ARHGAP20: variants seen among roughly 807,000 people sequenced by gnomAD.
The protein encoded by ARHGAP20 is rho GTPase-activating protein 20.
Under a neutral mutation model 73.7 loss-of-function variants are expected in ARHGAP20, and 34 were observed. That is an observed-to-expected ratio of 0.46 (90% CI 0.35 to 0.61). The LOEUF (loss-of-function observed/expected upper bound fraction) is 0.61, where lower values mean the gene tolerates loss of function less well. ARHGAP20 is among the 20% of genes least tolerant of loss of function. ARHGAP20 has a pLI of 0.00. For missense variants in ARHGAP20, 1,314 were observed against 1,420.9 expected, an observed-to-expected ratio of 0.92 and a Z score of 1.21; for synonymous variants, 523 against 518.2, an observed-to-expected ratio of 1.01 and a Z score of -0.13.
At chr11:110,675,031 C>A (rs895994762) in intron 2 of ARHGAP20, among the ~76,000 whole-genome samples, 1 of 152,120 alleles carries the variant, frequency 6.6e-6, no homozygotes, top group Non-Finnish European at 1.5e-5. Flanking sequence ...CAACCCATCA[C>A]CTTTACATTC....
chr11:110,689,404 C>A (rs1258165419), intron 2 of ARHGAP20, among the ~76,000 whole-genome samples: 10 of 151,826 alleles, frequency 6.6e-5, no homozygotes, highest in Non-Finnish European at 1.3e-4. Context: ...TTCCTTTGAA[C>A]ATAAAAACTC....
intron 2 of ARHGAP20, among the ~76,000 whole-genome samples, chr11:110,650,025 A>G (rs1440192540): frequency 6.6e-6 from 1 of 152,194 alleles, no homozygotes. Flanking sequence ...CTTTAAAAAA[A>G]TCTCTGTGTC....
At chr11:110,597,034 C>A (rs1384153545) in intron 9 of ARHGAP20, among the ~76,000 whole-genome samples, 8 of 151,198 alleles carry the variant, frequency 5.3e-5, no homozygotes, top group African/African-American at 1.9e-4. Context: ...AGCAAACTAT[C>A]GCCAGGACAA....
chr11:110,583,791 A>G (rs921668558), intron 12 of ARHGAP20, 54 bp from the exon 13 acceptor site: 1 of 1,397,072 alleles, frequency 7.2e-7, no homozygotes, highest in African/African-American at 1.5e-5. Flanking sequence ...AAAACTTGTA[A>G]AGACAAGCAA....
Position 110,580,231 on chromosome 11 carries a change from C to T in ARHGAP20, c.2715G>A (p.Met905Ile). ...GQKLINQSLV[M>I]GIEVGKSSAT... ...CACTACTCTTGCCCACCTCAATCCC[C>T]ATGACTAAACTCTGATTAATGAGCT... The change falls in exon 15 of 15, where the codon ATG becomes ATA. Residue 905 changes from methionine (M) to isoleucine (I), a missense_variant. Transcript: ENST00000683387. The T allele has an allele frequency of 6.2e-7, 1 of 1,614,214 alleles. No homozygotes were observed. Among genetic ancestry groups the T allele is most frequent in the East Asian group, 2.2e-5 (1 of 44,882 alleles).
chr11:110,611,373 G>A lies in ARHGAP20; in HGVS notation c.644C>T (p.Thr215Ile). The change falls in exon 7 of 15, where the codon ACA (threonine) becomes ATA (isoleucine). Residue 215 changes from threonine (T) to isoleucine (I), a missense_variant. Physicochemically the swap from Thr to Ile is moderately conservative, Grantham distance 89. This residue lies in a region of ARHGAP20 where 443 missense variants were observed against 466.4 expected (regional missense o/e 0.95). Coordinates refer to ENST00000683387, the MANE Select transcript of ARHGAP20 (RefSeq NM_001384657.1). ...IGNCAYSKTI[T>I]VMNSDTANEV... ...ATTCGCTGTATCTGAATTCATTACTGTTATAGTTTTAGACTGTAGAAAAAA... is the reference window on the plus strand; with the variant it reads ...ATTCGCTGTATCTGAATTCATTACTATTATAGTTTTAGACTGTAGAAAAAA... 6.5e-7 allele frequency: 1 copy of A among 1,540,472 alleles called. No homozygotes were observed.
At chr11:110,652,020 C>T (rs756577800) in intron 2 of ARHGAP20, among the ~76,000 whole-genome samples, 1 of 152,016 alleles carries the variant, frequency 6.6e-6, no homozygotes, top group Non-Finnish European at 1.5e-5. Flanking sequence ...TCCAGCAGCA[C>T]ATCAAAAAGC....
intron 3 of ARHGAP20, among the ~76,000 whole-genome samples, chr11:110,628,749 T>C (rs1351457678): frequency 6.6e-6 from 1 of 152,148 alleles, no homozygotes; most frequent in East Asian, 1.9e-4. Flanking sequence ...ATTAAAGTTA[T>C]CTCAAAAGCA....
At chr11:110,695,804 T>C (rs1047257944) in intron 1 of ARHGAP20, among the ~76,000 whole-genome samples, 4 of 151,614 alleles carry the variant, frequency 2.6e-5, no homozygotes, top group Non-Finnish European at 5.9e-5. Flanking sequence ...GATCCTGCAA[T>C]TCTACTCCTA....
intron 9 of ARHGAP20, among the ~76,000 whole-genome samples, chr11:110,592,928 T>C (rs1243874687): frequency 6.6e-6 from 1 of 152,112 alleles, no homozygotes; most frequent in African/African-American, 2.4e-5. Context: ...CTACTAGGGA[T>C]GAAGAACTGG....
chr11:110,670,506 G>C (rs74666845), intron 2 of ARHGAP20, among the ~76,000 whole-genome samples: 2 of 151,848 alleles, frequency 1.3e-5, no homozygotes, highest in Non-Finnish European at 2.9e-5. Context: ...CAAATTACCC[G>C]AACTGACTCA....
At chr11:110,616,235 T>G (rs569673133) in intron 4 of ARHGAP20, among the ~76,000 whole-genome samples, 51 of 152,356 alleles carry the variant, frequency 3.3e-4, no homozygotes, top group Non-Finnish European at 4.9e-4. Flanking sequence ...TATAACCTTC[T>G]AAGATCAATC....
intron 2 of ARHGAP20, among the ~76,000 whole-genome samples, chr11:110,646,160 A>AT (rs1479520841): frequency 1.5e-4 from 23 of 152,184 alleles, no homozygotes; most frequent in Admixed American, 1.4e-3. Context: ...TATTTAGGAA[A>AT]TTTATAAATA....
Position 110,577,859 on chromosome 11 carries a change from A to G in ARHGAP20, c.*1511T>C, listed in dbSNP as rs1170735772. ...AAATATTTTTTCCCCTATAACTGAA[A>G]ATGCAACCTTTAGAACAAAAAAGAA... On this transcript the variant is annotated 3_prime_UTR_variant, in exon 15 of 15. Transcript: ENST00000683387. The G allele has an allele frequency of 1.0e-6, 1 of 985,668 alleles. No homozygotes were observed. The highest frequency in any genetic ancestry group is 1.7e-5 in the African/African-American group (1 of 57,230). The allele number at this position is 985,668 out of a possible 1,614,324, so 61.1% of individuals were successfully genotyped here. A position where few individuals can be genotyped will look rare whatever the true frequency, so the allele number is the denominator to read the frequency against.
At position 110,644,658 on chromosome 11, in the gene ARHGAP20, G is replaced by A. The variant is rs572713534; in HGVS notation, c.189-13866C>T. Among the ~76,000 whole-genome samples, 4 of 152,186 alleles carry A rather than the reference G, an allele frequency of 2.6e-5. No homozygotes were observed. In the South Asian group the frequency reaches 8.3e-4, roughly 32 times the overall value. The stretch of plus-strand genomic sequence containing the variant: ...ATAAAAAAATTAACTCAGGATGGAT[G>A]AAATACTCAAATGTAGGACTATAAA... On this transcript the variant is annotated intron_variant, in intron 2 of 14. Transcript: ENST00000683387.
chr11:110,600,328 C>A (rs953570704), intron 9 of ARHGAP20, among the ~76,000 whole-genome samples: 7 of 152,234 alleles, frequency 4.6e-5, no homozygotes, highest in Admixed American at 3.9e-4. Context: ...CTCCAAGCTT[C>A]TGGGCACCAC....
intron 2 of ARHGAP20, among the ~76,000 whole-genome samples, chr11:110,670,227 A>G (rs923384288): frequency 6.6e-6 from 1 of 152,122 alleles, no homozygotes; most frequent in Admixed American, 6.5e-5. Context: ...ACTTCAATAA[A>G]TCTCTCAAAA....
chr11:110,577,362 A>G lies in ARHGAP20; in HGVS notation c.*2008T>C. On this transcript the variant is annotated 3_prime_UTR_variant, in exon 15 of 15. Transcript: ENST00000683387. ...TAACAAACTATTCACATTAAGAATT[A>G]CAGGAGTATCTAAGGGAACACAGAT... 8.2e-7 allele frequency: 1 copy of G among 1,223,582 alleles called. No homozygotes were observed. The highest frequency in any genetic ancestry group is 1.0e-6 in the Non-Finnish European group (1 of 981,708). 75.8% of individuals were successfully genotyped at this position (1,223,582 alleles called of 1,614,324 possible).
Position 110,579,001 on chromosome 11 carries a change from G to T in ARHGAP20, c.*369C>A. 1 of 995,664 alleles carries T rather than the reference G, an allele frequency of 1.0e-6. No individual in the cohort carries two copies. Among genetic ancestry groups the T allele is most frequent in the Non-Finnish European group, 1.2e-6 (1 of 835,554 alleles). The allele number at this position is 995,664 out of a possible 1,614,324, so 61.7% of individuals were successfully genotyped here. A position where few individuals can be genotyped will look rare whatever the true frequency, so the allele number is the denominator to read the frequency against. ...CTGTACCCTTCCCCTCTCTCCTCAGGCCCCTATTCCTCATTCCTGATATCT... is the reference window on the plus strand; with the variant it reads ...CTGTACCCTTCCCCTCTCTCCTCAGTCCCCTATTCCTCATTCCTGATATCT... On this transcript the variant is annotated 3_prime_UTR_variant, in exon 15 of 15. Transcript: ENST00000683387.
Sources: gnomAD v4.1 joint callset for allele counts (sites outside exome capture counted in the v4.1 genomes callset) on GRCh38, gnomAD v4.1.1 for gene constraint, gnomAD v4.1.1 regional missense constraint, MANE v1.5 for transcripts, NCBI Gene and HGNC (gene_info 2026-07-23, HGNC 2026-07-21) for gene names.